TMEM132E: variants seen among roughly 807,000 people sequenced by gnomAD.
TMEM132E encodes the protein transmembrane protein 132E.
Under a neutral mutation model 78.5 loss-of-function variants are expected in TMEM132E, and 49 were observed. That is an observed-to-expected ratio of 0.62 (90% CI 0.50 to 0.79). TMEM132E has a LOEUF of 0.79. Ranked by LOEUF, TMEM132E falls within the 30% of genes least tolerant of loss-of-function variation. The pLI, the probability that TMEM132E is intolerant of heterozygous loss-of-function variation, is 0.00. For synonymous variants in TMEM132E, 715 were observed against 670.6 expected (o/e 1.07, Z -1.02); for missense variants, 1,403 against 1,470.9 (o/e 0.95, Z 0.75).
At position 34,637,836 on chromosome 17, in the gene TMEM132E, G is replaced by T. The variant is rs769156650; in HGVS notation, c.2829G>T (p.Pro943=). Residue 943 remains proline, a synonymous_variant, in exon 9 of 9, where the codon CCG becomes CCT. Coordinates refer to ENST00000631683, the MANE Select transcript of TMEM132E (RefSeq NM_001304438.2). ...GGGTGTTCCTGGGCAACGGGCAGCC[G>T]CTGCGGGTGCAAGGAGAGCTGTCGC... ...HHWVFLGNGQ[P]LRVQGELSPP... is the part of the protein sequence containing the mutation. The T allele has an allele frequency of 3.1e-6, 5 of 1,610,374 alleles. No homozygotes were observed. In the African/African-American group the frequency reaches 4.0e-5, roughly 13 times the overall value.
intron 1 of TMEM132E, among the ~76,000 whole-genome samples, chr17:34,620,578 G>C (rs1906927774): frequency 6.6e-6 from 1 of 152,246 alleles, no homozygotes; most frequent in African/African-American, 2.4e-5. Flanking sequence ...CCTCTGTGCA[G>C]GCACAGGGAC....
At chr17:34,635,897 C>T in intron 7 of TMEM132E, 110 bp from the exon 8 acceptor site, 2 of 1,137,812 alleles carry the variant, frequency 1.8e-6, no homozygotes, top group Non-Finnish European at 2.3e-6. Context: ...GCCTGCCTCA[C>T]CCTTCAGGCC....
In TMEM132E at chr17:34,630,110, G is replaced by C. The variant is rs764343494; in HGVS notation, c.1441G>C (p.Ala481Pro). Residue 481 changes from alanine (A) to proline (P), a missense_variant, in exon 5 of 9, where the codon GCC (alanine) becomes CCC (proline). Transcript: ENST00000631683. ...EVNGLVLDISALVECESDNED... is the reference protein window; with the variant it reads ...EVNGLVLDISPLVECESDNED... ...GAATGGCCTCGTCCTGGACATCTCC[G>C]CCCTAGTGGAATGCGAGTCTGACAA... is the stretch of plus-strand genomic sequence containing the variant. 6.2e-7 allele frequency: 1 copy of C among 1,613,236 alleles called. No individual in the cohort carries two copies. The highest frequency in any genetic ancestry group is 8.5e-7 in the Non-Finnish European group (1 of 1,179,454).
chr17:34,628,704 C>A lies in TMEM132E; in HGVS notation c.1140C>A (p.Pro380=). The change falls in exon 3 of 9, where the codon CCC becomes CCA. Residue 380 remains proline, a synonymous_variant. Coordinates refer to ENST00000631683, the MANE Select transcript of TMEM132E (RefSeq NM_001304438.2). The part of the protein sequence containing the change: ...DVAWAQSTPL[P]PREGQGPLEI... ...CCTGGGCTCAGAGCACACCCCTGCCCCCCAGGTGAGCCCGAGGTGGTGCAT... is the reference window on the plus strand; with the variant it reads ...CCTGGGCTCAGAGCACACCCCTGCCACCCAGGTGAGCCCGAGGTGGTGCAT... 2 of 1,592,984 alleles carry A rather than the reference C, an allele frequency of 1.3e-6. No individual in the cohort carries two copies. The highest frequency in any genetic ancestry group is 1.7e-6 in the Non-Finnish European group (2 of 1,168,518).
At chr17:34,586,717 A>G (rs1412530124) in intron 1 of TMEM132E, among the ~76,000 whole-genome samples, 2 of 152,160 alleles carry the variant, frequency 1.3e-5, no homozygotes, top group Middle Eastern at 3.2e-3. Context: ...CAGACAACCC[A>G]GCAAGATGAA....
intron 6 of TMEM132E, among the ~76,000 whole-genome samples, chr17:34,633,603 A>C (rs1907420887): frequency 6.6e-6 from 1 of 152,242 alleles, no homozygotes; most frequent in Admixed American, 6.5e-5. Flanking sequence ...AGTGACAGGC[A>C]GCTAAGAGCA....
Position 34,613,211 on chromosome 17 carries a change from A to ACACACACACGCGCGCG in TMEM132E, c.68-12915_68-12914insACACACACGCGCGCGC. ...CACACACACACCCACACACACACAC[A>ACACACACACGCGCGCG]CGCGCGCGCGCGCGCGTTCTTACAT... On this transcript the variant is annotated intron_variant, in intron 1 of 8. Transcript: ENST00000631683. Among the ~76,000 whole-genome samples the ACACACACACGCGCGCG allele has an allele frequency of 6.4e-3, 746 of 115,906 alleles. 11 individuals carry two copies. The highest frequency in any genetic ancestry group is 9.2e-3 in the Non-Finnish European group (503 of 54,712). The allele number at this position is 115,906 out of a possible 152,430, so 76.0% of individuals were successfully genotyped here.
At chr17:34,596,853 CAAAAAAAAAAAA>C (rs35038070) in intron 1 of TMEM132E, among the ~76,000 whole-genome samples, 14 of 72,366 alleles carry the variant, frequency 1.9e-4, no homozygotes, top group African/African-American at 6.1e-4. Context: ...CTAAGTAGCT[CAAAAAAAAAAAA>C]AAAAAAAAAA....
rs1905433087 is a variant in TMEM132E, at chr17:34,580,663, A to T, written c.-414A>T. On this transcript the variant is annotated 5_prime_UTR_variant, in exon 1 of 9. Coordinates refer to ENST00000631683, the MANE Select transcript of TMEM132E (RefSeq NM_001304438.2). The stretch of plus-strand genomic sequence containing the variant: ...ACTACCGAAACCGAGGAAACTGGGG[A>T]TTGCGTTGGAAGTCGGCACCCTCGA... The T allele has an allele frequency of 5.6e-6, 1 of 179,912 alleles. No homozygotes were observed. Among genetic ancestry groups the T allele is most frequent in the Non-Finnish European group, 1.2e-5 (1 of 86,850 alleles). 11.1% of individuals were successfully genotyped at this position (179,912 alleles called of 1,614,324 possible). A position where few individuals can be genotyped will look rare whatever the true frequency, so the allele number is the denominator to read the frequency against.
chr17:34,621,800 G>A (rs1410758106), intron 1 of TMEM132E, among the ~76,000 whole-genome samples: 1 of 151,434 alleles, frequency 6.6e-6, no homozygotes, highest in Non-Finnish European at 1.5e-5. Context: ...GAAGTGGGGG[G>A]CGGGCAGGTG....
At chr17:34,582,931 C>T (rs538000340) in intron 1 of TMEM132E, among the ~76,000 whole-genome samples, 1 of 152,358 alleles carries the variant, frequency 6.6e-6, no homozygotes, top group East Asian at 1.9e-4. Flanking sequence ...ATTAGGGTCC[C>T]TCTGCCCACC....
At chr17:34,619,058 C>T (rs1241255423) in intron 1 of TMEM132E, among the ~76,000 whole-genome samples, 1 of 152,212 alleles carries the variant, frequency 6.6e-6, no homozygotes, top group Non-Finnish European at 1.5e-5. Context: ...TATACCACTC[C>T]TGTGGTCCTC....
intron 1 of TMEM132E, among the ~76,000 whole-genome samples, chr17:34,581,673 C>T (rs961462812): frequency 1.3e-5 from 2 of 151,836 alleles, no homozygotes; most frequent in East Asian, 2.0e-4. Flanking sequence ...GGCTCGCACG[C>T]CCGCGGTCCT....
chr17:34,611,619 G>A (rs565974056), intron 1 of TMEM132E, among the ~76,000 whole-genome samples: 1 of 152,288 alleles, frequency 6.6e-6, no homozygotes, highest in South Asian at 2.1e-4. Context: ...AGGGCCCTGT[G>A]GGGAAGACCA....
chr17:34,637,850 G>A lies in TMEM132E; in HGVS notation c.2843G>A (p.Gly948Glu), dbSNP rs762417625. 2.5e-6 allele frequency: 4 copies of A among 1,609,964 alleles called. No homozygotes were observed. The highest frequency in any genetic ancestry group is 3.4e-6 in the Non-Finnish European group (4 of 1,178,718). The change falls in exon 9 of 9, where the codon GGA becomes GAA. Residue 948 changes from glycine to glutamate, a missense_variant. By Grantham distance (98) the Gly-to-Glu change is moderately conservative. Transcript: ENST00000631683. ...AACGGGCAGCCGCTGCGGGTGCAAG[G>A]AGAGCTGTCGCCGCCAGCAGGCAAC... ...LGNGQPLRVQ[G>E]ELSPPAGNPL... is the part of the protein sequence containing the mutation.
chr17:34,626,663 C>A lies in TMEM132E; in HGVS notation c.604C>A (p.Pro202Thr), dbSNP rs1907144843. 8 of 1,407,744 alleles carry A rather than the reference C, an allele frequency of 5.7e-6. No homozygotes were observed. The highest frequency in any genetic ancestry group is 7.4e-6 in the Non-Finnish European group (8 of 1,078,528). 87.2% of individuals were successfully genotyped at this position (1,407,744 alleles called of 1,614,324 possible). A position where few individuals can be genotyped will look rare whatever the true frequency, so the allele number is the denominator to read the frequency against. Residue 202 changes from proline (P) to threonine (T), a missense_variant, in exon 2 of 9, where the codon CCC becomes ACC. By Grantham distance (38) the Pro-to-Thr change is conservative. Transcript: ENST00000631683. ...AGAGCTGCCCCTGGCCTGGTTCGGG[C>A]CCCCAGCCCCCGCTGCGCCACCCAC... ...RAELPLAWFG[P>T]PAPAAPPTAR...
intron 1 of TMEM132E, among the ~76,000 whole-genome samples, chr17:34,596,617 C>A (rs1906067450): frequency 6.6e-6 from 1 of 151,972 alleles, no homozygotes; most frequent in African/African-American, 2.4e-5. Flanking sequence ...GTGTCTTAGC[C>A]CTTGGTCCAT....
chr17:34,613,557 T>C (rs1331142533), intron 1 of TMEM132E, among the ~76,000 whole-genome samples: 1 of 151,930 alleles, frequency 6.6e-6, no homozygotes, highest in East Asian at 1.9e-4. Flanking sequence ...GGGTTTTCTC[T>C]ATTTTCTCTC....
chr17:34,592,498 G>T (rs1340069035), intron 1 of TMEM132E, among the ~76,000 whole-genome samples: 4 of 152,226 alleles, frequency 2.6e-5, no homozygotes, highest in East Asian at 3.8e-4. Flanking sequence ...TCCCTAATCT[G>T]CAGCCTGAAG....
Sources: gnomAD v4.1 joint callset for allele counts (sites outside exome capture counted in the v4.1 genomes callset) on GRCh38, gnomAD v4.1.1 for gene constraint, MANE v1.5 for transcripts, NCBI Gene and HGNC (gene_info 2026-07-23, HGNC 2026-07-21) for gene names.